The following SOS2 variants were observed in gnomAD, a reference collection of about 807,000 sequenced individuals.
SOS2 encodes son of sevenless homolog 2.
In SOS2, 65 loss-of-function variants were observed where a neutral mutation model predicts 148.2. That is an observed-to-expected ratio of 0.44 (90% CI 0.36 to 0.54). SOS2 has a LOEUF of 0.54. Ranked by LOEUF, SOS2 falls within the 20% of genes least tolerant of loss-of-function variation. The pLI, the probability that SOS2 is intolerant of heterozygous loss-of-function variation, is 0.00. For missense variants in SOS2, 1,341 were observed against 1,590.2 expected (o/e 0.84, Z 2.67); for synonymous variants, 539 against 537.1 (o/e 1.00, Z -0.05).
intron 1 of SOS2, among the ~76,000 whole-genome samples, chr14:50,206,481 T>C (rs2139803615): frequency 6.6e-6 from 1 of 152,356 alleles, no homozygotes; most frequent in Admixed American, 6.5e-5. Context: ...TAACACCTAA[T>C]ACAATGTAAA....
At chr14:50,184,503 T>C (rs968177253) in intron 5 of SOS2, among the ~76,000 whole-genome samples, 7 of 151,996 alleles carry the variant, frequency 4.6e-5, no homozygotes, top group Non-Finnish European at 1.0e-4. Flanking sequence ...TTACTTACAG[T>C]AGGGCCCCTA....
intron 1 of SOS2, among the ~76,000 whole-genome samples, chr14:50,204,671 C>T (rs1886604307): frequency 6.6e-6 from 1 of 152,148 alleles, no homozygotes; most frequent in Non-Finnish European, 1.5e-5. Context: ...AAAGCATATA[C>T]ACATAAACTA....
chr14:50,190,633 A>C (rs935572716), intron 4 of SOS2, among the ~76,000 whole-genome samples: 5 of 152,238 alleles, frequency 3.3e-5, no homozygotes, highest in African/African-American at 1.2e-4. Flanking sequence ...GTTACTAAAA[A>C]TAAATGATAC....
At chr14:50,164,356 C>T (rs1885106809) in intron 8 of SOS2, among the ~76,000 whole-genome samples, 2 of 151,960 alleles carry the variant, frequency 1.3e-5, no homozygotes, top group African/African-American at 4.8e-5. Flanking sequence ...GAGAGGATGA[C>T]CTAAGCATGG....
rs147948407 is a variant in SOS2, at chr14:50,145,602, G to A, written c.2385-6C>T. On this transcript the variant is annotated splice_polypyrimidine_tract_variant and splice_region_variant and intron_variant, in intron 14 of 22. Transcript: ENST00000216373. ...GTTCAGACGGTTGAACTTTCCTATG[G>A]AATTGAAAATCAGTGCAACTTAACC... is the stretch of plus-strand genomic sequence containing the variant. The A allele has an allele frequency of 2.1e-5, 33 of 1,570,014 alleles. No homozygotes were observed. Among genetic ancestry groups the A allele is most frequent in the Non-Finnish European group, 2.8e-5 (32 of 1,158,496 alleles).
intron 11 of SOS2, among the ~76,000 whole-genome samples, chr14:50,157,388 A>T (rs1884854524): frequency 6.6e-6 from 1 of 152,220 alleles, no homozygotes; most frequent in African/African-American, 2.4e-5. Flanking sequence ...GAAAGAATTC[A>T]TAAGGAATTT....
chr14:50,149,881 T>C (rs922674582), intron 14 of SOS2, 127 bp downstream of exon 14: 1 of 689,896 alleles, frequency 1.4e-6, no homozygotes, highest in Non-Finnish European at 2.5e-6. Context: ...CTATGACCTT[T>C]CCTCTAAGCC....
intron 16 of SOS2, among the ~76,000 whole-genome samples, chr14:50,144,039 G>T (rs770776280): frequency 2.0e-5 from 3 of 151,966 alleles, no homozygotes; most frequent in Non-Finnish European, 4.4e-5. Context: ...AGTATTTAAA[G>T]TCTTAAAGTA....
intron 1 of SOS2, among the ~76,000 whole-genome samples, chr14:50,227,247 C>CTTT (rs71118857): frequency 2.1e-4 from 26 of 121,608 alleles, no homozygotes; most frequent in East Asian, 7.3e-4. Flanking sequence ...TTCTTTCTTT[C>CTTT]TTTTTTTTTT....
At chr14:50,214,700 C>CTTTTTTTTTTTTTTTTTTTTT (rs755314459) in intron 1 of SOS2, among the ~76,000 whole-genome samples, 1 of 131,226 alleles carries the variant, frequency 7.6e-6, no homozygotes, top group Non-Finnish European at 1.7e-5. Flanking sequence ...AAGGCCGTTT[C>CTTTTTTTTTTTTTTTTTTTTT]TTTTTTTTTT....
At chr14:50,164,472 C>CA (rs939932046) in intron 8 of SOS2, among the ~76,000 whole-genome samples, 7 of 149,646 alleles carry the variant, frequency 4.7e-5, no homozygotes, top group African/African-American at 1.5e-4. Context: ...ATAAAAAATA[C>CA]AAAAAAAAAT....
At chr14:50,191,425 T>C (rs1216147207) in intron 4 of SOS2, among the ~76,000 whole-genome samples, 1 of 152,118 alleles carries the variant, frequency 6.6e-6, no homozygotes. Flanking sequence ...GCTAATATTG[T>C]ACCACCACAT....
At chr14:50,171,549 T>A (rs1490769099) in intron 8 of SOS2, among the ~76,000 whole-genome samples, 1 of 151,836 alleles carries the variant, frequency 6.6e-6, no homozygotes, top group Admixed American at 6.6e-5. Context: ...CTGGGCATGG[T>A]GACATGCACC....
Position 50,192,751 on chromosome 14 carries a change from C to A in SOS2, c.511-4051G>T, listed in dbSNP as rs570245195. Among the ~76,000 whole-genome samples the A allele has an allele frequency of 7.2e-5, 11 of 152,128 alleles. No individual in the cohort carries two copies. In the East Asian group the frequency reaches 1.9e-3, roughly 27 times the overall value. On this transcript the variant is annotated intron_variant, in intron 4 of 22. Transcript: ENST00000216373. ...TGGTGGCAAGTGCCTGTAATCCCAG[C>A]TACTCAGAAGGCTGAGGCAGGAGAA... is the stretch of plus-strand genomic sequence containing the variant.
intron 21 of SOS2, among the ~76,000 whole-genome samples, chr14:50,121,216 G>A (rs1443197468): frequency 6.6e-6 from 1 of 152,084 alleles, no homozygotes; most frequent in Non-Finnish European, 1.5e-5. Flanking sequence ...AATGATAAAT[G>A]ACAGGAAAAT....
chr14:50,210,715 G>GA (rs1335881698), intron 1 of SOS2, among the ~76,000 whole-genome samples: 2 of 151,810 alleles, frequency 1.3e-5, no homozygotes, highest in East Asian at 1.9e-4. Context: ...AATCCCAAGA[G>GA]AAAAAATGGG....
At chr14:50,135,357 CTTAAAT>C (rs945073011) in intron 18 of SOS2, among the ~76,000 whole-genome samples, 4 of 150,784 alleles carry the variant, frequency 2.7e-5, no homozygotes, top group Non-Finnish European at 5.9e-5. Flanking sequence ...ATATTTTAAG[CTTAAAT>C]TTAAGTTTTA....
intron 4 of SOS2, among the ~76,000 whole-genome samples, chr14:50,192,506 A>T (rs767819636): frequency 9.9e-5 from 15 of 152,136 alleles, no homozygotes; most frequent in Non-Finnish European, 2.2e-4. Flanking sequence ...CACTGGGCAG[A>T]GATTGCGCCA....
intron 4 of SOS2, among the ~76,000 whole-genome samples, chr14:50,194,488 A>C (rs1348449877): frequency 8.7e-6 from 1 of 114,694 alleles, no homozygotes; most frequent in African/African-American, 3.4e-5. Flanking sequence ...TTTAAGATGG[A>C]GTATTGGCTG....
Sources: allele counts gnomAD v4.1 joint callset (sites outside exome capture counted in the v4.1 genomes callset), GRCh38; gene constraint gnomAD v4.1.1; transcripts MANE v1.5; gene names NCBI Gene and HGNC (gene_info 2026-07-23, HGNC 2026-07-21).